CCDC122: variants seen among roughly 807,000 people sequenced by gnomAD.
CCDC122 encodes coiled-coil domain-containing protein 122.
In CCDC122, 38 loss-of-function variants were observed where a neutral mutation model predicts 37.0. That is an observed-to-expected ratio of 1.03 (90% CI 0.79 to 1.35). The LOEUF (loss-of-function observed/expected upper bound fraction) is 1.35. Among genes scored for constraint, CCDC122 ranks in the 40% most tolerant of loss-of-function variants. The pLI, the probability that CCDC122 is intolerant of heterozygous loss-of-function variation, is 0.00. For missense variants in CCDC122, 305 were observed against 310.0 expected, an observed-to-expected ratio of 0.98 and a Z score of 0.12; for synonymous variants, 83 against 95.6, an observed-to-expected ratio of 0.87 and a Z score of 0.77.
intron 2 of CCDC122, among the ~76,000 whole-genome samples, chr13:43,874,286 G>T (rs1272293618): frequency 2.0e-5 from 3 of 152,128 alleles, no homozygotes; most frequent in African/African-American, 7.2e-5. Flanking sequence ...TAGGGTTATT[G>T]TGAAGACTAA....
At chr13:43,856,170 C>T (rs553466412) in intron 6 of CCDC122, 2 of 152,068 alleles carry the variant, frequency 1.3e-5, no homozygotes, top group Admixed American at 6.6e-5. Context: ...AACTTATGGA[C>T]ACATAGAGGG....
intron 6 of CCDC122, among the ~76,000 whole-genome samples, chr13:43,851,410 C>T (rs1953722676): frequency 6.6e-6 from 1 of 152,156 alleles, no homozygotes; most frequent in African/African-American, 2.4e-5. Context: ...AAGTATATGC[C>T]TTAAATGGTA....
At position 43,846,149 on chromosome 13, in the gene CCDC122, A is replaced by G. The variant is rs142240603; in HGVS notation, c.673-8720T>C. 4.0e-3 allele frequency among the ~76,000 whole-genome samples: 606 copies of G among 151,900 alleles called. 12 individuals are homozygous for G. The highest frequency in any genetic ancestry group is 0.03 in the Admixed American group (451 of 15,256). ...GAGTGCAACGGCACGATCTCAGCTC[A>G]CTGCAACCTCCGCCTCCCAGGTTCA... is the stretch of plus-strand genomic sequence containing the variant. On this transcript the variant is annotated intron_variant, in intron 6 of 6. Transcript: ENST00000444614.
At chr13:43,858,930 C>CA in intron 5 of CCDC122, 33 bp from the exon 6 acceptor site, 1 of 1,333,256 alleles carries the variant, frequency 7.5e-7, no homozygotes, top group Non-Finnish European at 1.0e-6. Context: ...ATATAGAAGT[C>CA]AAAAAAGGAT....
chr13:43,860,660 G>C (rs948442435), intron 4 of CCDC122, among the ~76,000 whole-genome samples: 1 of 152,142 alleles, frequency 6.6e-6, no homozygotes. Context: ...AAATTTCTGA[G>C]AATTCCTTCT....
rs1594845131 is a variant in CCDC122, at chr13:43,860,026, T to C, written c.201A>G (p.Ala67=). 1 of 1,566,004 alleles carries C rather than the reference T, an allele frequency of 6.4e-7. No individual in the cohort carries two copies. The highest frequency in any genetic ancestry group is 2.3e-5 in the East Asian group (1 of 43,570). The change falls in exon 5 of 7, where the codon GCA becomes GCG. Residue 67 remains alanine, a synonymous_variant. Transcript: ENST00000444614. The part of the protein sequence containing the change: ...ELEKEIAAIS[A]ETKETERQIY... ...TTTGTCTTTCTGTTTCTTTAGTTTC[T>C]GCAGAGATAGCTGCTATTTCTTTTT...
intron 6 of CCDC122, among the ~76,000 whole-genome samples, chr13:43,845,326 G>A (rs1953482066): frequency 6.6e-6 from 1 of 152,094 alleles, no homozygotes; most frequent in African/African-American, 2.4e-5. Flanking sequence ...AGTGTCAAAT[G>A]ACTTTTGAAT....
In CCDC122 at chr13:43,845,084, T is replaced by C. The variant is rs528094925; in HGVS notation, c.673-7655A>G. ...GTCTTCTTTTGGATTGAGTATTTTT[T>C]GTTGTTCCATTTCATTTCTTCCTTT... On this transcript the variant is annotated intron_variant, in intron 6 of 6. Transcript: ENST00000444614. 4.6e-5 allele frequency among the ~76,000 whole-genome samples: 7 copies of C among 152,332 alleles called. No individual in the cohort carries two copies. In the East Asian group the frequency reaches 1.3e-3, roughly 29 times the overall value.
chr13:43,869,755 A>G (rs1451923252), intron 2 of CCDC122, among the ~76,000 whole-genome samples: 1 of 152,106 alleles, frequency 6.6e-6, no homozygotes, highest in Non-Finnish European at 1.5e-5. Flanking sequence ...AGTACCTGAT[A>G]TACACTGCAT....
intron 6 of CCDC122, chr13:43,854,836 A>T (rs899365815): frequency 6.6e-6 from 1 of 152,228 alleles, no homozygotes. Flanking sequence ...AAATCAATAA[A>T]TATGATTCAT....
rs1356608806 is a variant in CCDC122, at chr13:43,858,726, T to G, written c.672+55A>C. ...AAACTATGGAAATATGAATATAGTG[T>G]TAAGTTTTAAAAATGGTCCCATAAA... is the stretch of plus-strand genomic sequence containing the variant. On this transcript the variant is annotated intron_variant, in intron 6 of 6. Coordinates refer to ENST00000444614, the MANE Select transcript of CCDC122 (RefSeq NM_144974.5). 2.5e-6 allele frequency: 3 copies of G among 1,223,082 alleles called. No homozygotes were observed. In the East Asian group the frequency reaches 9.0e-5, roughly 37 times the overall value. The allele number at this position is 1,223,082 out of a possible 1,614,324, so 75.8% of individuals were successfully genotyped here.
intron 3 of CCDC122, among the ~76,000 whole-genome samples, chr13:43,826,710 CA>C (rs1323169903): frequency 6.6e-6 from 1 of 152,008 alleles, no homozygotes; most frequent in African/African-American, 2.4e-5. Flanking sequence ...TGAAAGTGAT[CA>C]AAATAGAGGT....
At chr13:43,847,540 AT>A (rs1255936002) in intron 6 of CCDC122, among the ~76,000 whole-genome samples, 2 of 152,232 alleles carry the variant, frequency 1.3e-5, no homozygotes, top group African/African-American at 4.8e-5. Context: ...AGTTATTTAA[AT>A]TTTCTAAAAC....
downstream of CCDC122, among the ~76,000 whole-genome samples, chr13:43,836,147 T>G (rs1953154744): frequency 6.6e-6 from 1 of 152,246 alleles, no homozygotes; most frequent in African/African-American, 2.4e-5. Context: ...TAAAACCATA[T>G]CTTCCTATTT....
chr13:43,869,190 C>T (rs1954368123), intron 3 of CCDC122, 141 bp downstream of exon 3: 1 of 686,990 alleles, frequency 1.5e-6, no homozygotes, highest in South Asian at 1.7e-5. Flanking sequence ...TTGCTAAACA[C>T]TGTATATGTT....
chr13:43,859,869 C>A lies in CCDC122; in HGVS notation c.358G>T (p.Glu120Ter). The A allele has an allele frequency of 6.2e-7, 1 of 1,602,740 alleles. No homozygotes were observed. The highest frequency in any genetic ancestry group is 2.3e-5 in the East Asian group (1 of 44,388). Reference protein sequence around the residue: ...DIETAQEDFEEHMIKYNAYYA... With the variant: ...DIETAQEDFE ...TATGCATTATATTTTATCATGTGTT[C>A]CTCAAAATCTTCTTGGGCTGTTTCT... Residue 120 changes from glutamate to a stop codon, truncating the protein, a stop_gained, in exon 5 of 7, where the codon GAA becomes TAA. Coordinates refer to ENST00000444614, the MANE Select transcript of CCDC122 (RefSeq NM_144974.5). LOFTEE classifies it high-confidence loss of function.
chr13:43,879,357 G>C, intron 1 of CCDC122: 1 of 153,534 alleles, frequency 6.5e-6, no homozygotes, highest in Non-Finnish European at 1.4e-5. Flanking sequence ...TCCTCAAGGG[G>C]CCCCTAGCTG....
chr13:43,821,082 T>A (rs1245434198), downstream of CCDC122, among the ~76,000 whole-genome samples: 2 of 152,164 alleles, frequency 1.3e-5, no homozygotes, highest in East Asian at 3.8e-4. Context: ...TGTTTTAGGA[T>A]TTTTTTCTTT....
chr13:43,874,703 G>A (rs971144094), intron 2 of CCDC122, 139 bp downstream of exon 2: 11 of 152,124 alleles, frequency 7.2e-5, no homozygotes, highest in East Asian at 1.9e-4. Flanking sequence ...GCCATCTACC[G>A]ATAATTCATT....
Sources: gnomAD v4.1 joint callset for allele counts (sites outside exome capture counted in the v4.1 genomes callset) on GRCh38, gnomAD v4.1.1 for gene constraint, MANE v1.5 for transcripts, NCBI Gene and HGNC (gene_info 2026-07-23, HGNC 2026-07-21) for gene names.